Variants in TMEM132D observed in about 807,000 individuals in gnomAD.
The protein encoded by TMEM132D is transmembrane protein 132D, also known as mature OL transmembrane protein.
A neutral mutation model predicts 62.3 loss-of-function variants in TMEM132D; 21 were observed. That is an observed-to-expected ratio of 0.34 (90% CI 0.24 to 0.49). The LOEUF is 0.49. Among genes scored for constraint, TMEM132D ranks in the 20% least tolerant of loss-of-function variants. TMEM132D has a pLI of 0.99. For synonymous variants in TMEM132D, 621 were observed against 575.6 expected, an observed-to-expected ratio of 1.08 and a Z score of -1.13; for missense variants, 1,346 against 1,402.8, an observed-to-expected ratio of 0.96 and a Z score of 0.65.
rs577205142 is a variant in TMEM132D at position 129,525,201 on chromosome 12, G to A, written c.1115+5858C>T. Among the ~76,000 whole-genome samples the A allele has an allele frequency of 8.6e-4, 119 of 138,962 alleles. 1 individual carries two copies. Among genetic ancestry groups the A allele is most frequent in the African/African-American group, 3.0e-3 (114 of 38,218 alleles). The allele number at this position is 138,962 out of a possible 152,430, so 91.2% of individuals were successfully genotyped here. A position where few individuals can be genotyped will look rare whatever the true frequency, so the allele number is the denominator to read the frequency against. ...TGGCTTCCGAAAGTGCTGGGATTAC[G>A]GGTATGAGCCACGGTGCCCAGCCGG... On this transcript the variant is annotated intron_variant, in intron 3 of 8. Transcript: ENST00000422113.
intron 2 of TMEM132D, among the ~76,000 whole-genome samples, chr12:129,650,535 C>T (rs1879899917): frequency 6.6e-6 from 1 of 152,188 alleles, no homozygotes. Flanking sequence ...AATGCCAAAT[C>T]ACTTTCAAAA....
intron 3 of TMEM132D, among the ~76,000 whole-genome samples, chr12:129,492,264 A>G (rs1874818145): frequency 6.6e-6 from 1 of 152,208 alleles, no homozygotes; most frequent in African/African-American, 2.4e-5. Flanking sequence ...ACTGACTAGG[A>G]AATACTTCCT....
chr12:129,601,796 G>A lies in TMEM132D; in HGVS notation c.969-70591C>T, dbSNP rs370640055. On this transcript the variant is annotated intron_variant, in intron 2 of 8. Transcript: ENST00000422113. ...AAACAATAGTAACATGAAATATCAC[G>A]GATCACAGATCACCATAACAAATAT... Among the ~76,000 whole-genome samples, 9 of 152,090 alleles carry A rather than the reference G, an allele frequency of 5.9e-5. No homozygotes were observed. The South Asian group carries it at 8.3e-4, about 14-fold the overall frequency.
intron 1 of TMEM132D, among the ~76,000 whole-genome samples, chr12:129,822,879 A>G (rs169049): frequency 0.22 from 32,754 of 152,046 alleles, 4,069 homozygotes; most frequent in East Asian, 0.36. Context: ...GATTTTCAGG[A>G]GACAGAGATT....
At chr12:129,155,977 T>A (rs1411696092) in intron 5 of TMEM132D, among the ~76,000 whole-genome samples, 1 of 149,190 alleles carries the variant, frequency 6.7e-6, no homozygotes, top group Non-Finnish European at 1.5e-5. Flanking sequence ...AACTAACCCA[T>A]CCCCAAGATA....
intron 3 of TMEM132D, among the ~76,000 whole-genome samples, chr12:129,530,310 A>C (rs4759963): frequency 0.66 from 99,892 of 151,992 alleles, 33,161 homozygotes; most frequent in African/African-American, 0.74. Context: ...ATCGGAATTC[A>C]TCCTTTCATT....
chr12:129,883,166 T>A (rs1167738279), intron 1 of TMEM132D, among the ~76,000 whole-genome samples: 1 of 152,014 alleles, frequency 6.6e-6, no homozygotes, highest in Non-Finnish European at 1.5e-5. Context: ...CACAAAAAAA[T>A]TACTAAAACA....
chr12:129,548,131 C>T (rs554261228), intron 2 of TMEM132D, among the ~76,000 whole-genome samples: 12 of 152,304 alleles, frequency 7.9e-5, no homozygotes, highest in African/African-American at 2.6e-4. Context: ...TTAATCACCC[C>T]GTGGGGCAAT....
chr12:129,194,350 C>T (rs1157973281), intron 5 of TMEM132D, among the ~76,000 whole-genome samples: 1 of 152,176 alleles, frequency 6.6e-6, no homozygotes, highest in African/African-American at 2.4e-5. Context: ...CTAAACATTA[C>T]CCAACAACAG....
intron 3 of TMEM132D, among the ~76,000 whole-genome samples, chr12:129,470,927 A>G (rs2137046962): frequency 6.6e-6 from 1 of 152,298 alleles, no homozygotes; most frequent in South Asian, 2.1e-4. Flanking sequence ...GAGGAAAGAA[A>G]GAAGTAGAAG....
At chr12:129,483,653 G>A (rs1478272508) in intron 3 of TMEM132D, among the ~76,000 whole-genome samples, 2 of 152,210 alleles carry the variant, frequency 1.3e-5, no homozygotes, top group Admixed American at 1.3e-4. Flanking sequence ...GCTGCCAGCA[G>A]TTGGCTTTTC....
intron 1 of TMEM132D, among the ~76,000 whole-genome samples, chr12:129,780,214 C>T (rs759881153): frequency 4.6e-4 from 70 of 152,162 alleles, no homozygotes; most frequent in East Asian, 2.1e-3. Flanking sequence ...TTGATCTCCC[C>T]GTCCCGCTGT....
chr12:129,254,399 G>A (rs570075522), intron 4 of TMEM132D, among the ~76,000 whole-genome samples: 22 of 152,248 alleles, frequency 1.4e-4, no homozygotes, highest in South Asian at 8.3e-4. Context: ...GCTTCTTAGC[G>A]TCCTTGAGAA....
chr12:129,588,644 C>T (rs915307038), intron 2 of TMEM132D, among the ~76,000 whole-genome samples: 6 of 151,704 alleles, frequency 4.0e-5, no homozygotes, highest in East Asian at 3.9e-4. Context: ...GCGCCATCTC[C>T]GCCCACTGCA....
intron 3 of TMEM132D, among the ~76,000 whole-genome samples, chr12:129,423,882 A>T (rs1593374019): frequency 6.6e-6 from 1 of 152,228 alleles, no homozygotes; most frequent in South Asian, 2.1e-4. Flanking sequence ...AATTTCATTA[A>T]TGACAAAGAA....
At chr12:129,079,189 G>A (rs755568754) in intron 7 of TMEM132D, among the ~76,000 whole-genome samples, 39 of 152,060 alleles carry the variant, frequency 2.6e-4, no homozygotes, top group African/African-American at 8.7e-4. Flanking sequence ...GATAGCTTTC[G>A]CTCTTGCACA....
intron 1 of TMEM132D, among the ~76,000 whole-genome samples, chr12:129,800,883 C>T (rs924838829): frequency 1.1e-4 from 17 of 152,196 alleles, no homozygotes; most frequent in South Asian, 4.1e-4. Context: ...CGAAGCAGGG[C>T]GAGGCATTGC....
At chr12:129,432,098 TATGGATGAATGA>T (rs569190355) in intron 3 of TMEM132D, among the ~76,000 whole-genome samples, 1 of 151,974 alleles carries the variant, frequency 6.6e-6, no homozygotes, top group African/African-American at 2.4e-5. Context: ...TTATGTTGCA[TATGGATGAATGA>T]ATGGATGGAT....
chr12:129,613,592 C>A (rs1019250060), intron 2 of TMEM132D, among the ~76,000 whole-genome samples: 2 of 152,214 alleles, frequency 1.3e-5, no homozygotes, highest in African/African-American at 4.8e-5. Flanking sequence ...CTGCAAATGT[C>A]AGGAAGCATA....
Sources: gnomAD v4.1 joint callset for allele counts (sites outside exome capture counted in the v4.1 genomes callset) on GRCh38, gnomAD v4.1.1 for gene constraint, MANE v1.5 for transcripts, NCBI Gene and HGNC (gene_info 2026-07-23, HGNC 2026-07-21) for gene names.